Variants in PRR11 observed in about 807,000 individuals in gnomAD.
PRR11 encodes the protein proline rich 11, also known as proline-rich protein 11.
PRR11 carries 30 observed loss-of-function variants against 45.6 expected under a neutral mutation model. The observed-to-expected ratio is 0.66, with a 90% CI of 0.49 to 0.89. The LOEUF (loss-of-function observed/expected upper bound fraction) is 0.89, where lower values mean the gene tolerates loss of function less well. Among genes scored for constraint, PRR11 ranks in the 40% least tolerant of loss-of-function variants. The probability of loss-of-function intolerance (pLI) is 0.00; values close to 1 mark genes in which losing one functional copy is unlikely to be tolerated. For synonymous variants in PRR11, 128 were observed against 153.5 expected (o/e 0.83, Z 1.23); for missense variants, 373 against 424.8 (o/e 0.88, Z 1.07).
At chr17:59,198,819 G>A (rs1189044118) in intron 9 of PRR11, among the ~76,000 whole-genome samples, 2 of 151,956 alleles carry the variant, frequency 1.3e-5, no homozygotes, top group Non-Finnish European at 2.9e-5. Context: ...CCTGGGTGAC[G>A]GAGTGAGACC....
chr17:59,171,811 A>T (rs185943109), intron 2 of PRR11, among the ~76,000 whole-genome samples: 5 of 152,274 alleles, frequency 3.3e-5, no homozygotes, highest in Admixed American at 1.3e-4. Context: ...ACCAATAGCT[A>T]TAAATAGAAG....
chr17:59,200,404 G>A (rs141620704), intron 9 of PRR11, among the ~76,000 whole-genome samples: 45 of 152,174 alleles, frequency 3.0e-4, no homozygotes, highest in African/African-American at 1.1e-3. Context: ...AAACCATCCT[G>A]GGCGATATAG....
chr17:59,159,109 C>T (rs906027181), intron 1 of PRR11, among the ~76,000 whole-genome samples: 11 of 152,266 alleles, frequency 7.2e-5, no homozygotes, highest in South Asian at 2.1e-4. Context: ...TGTGAGCCAC[C>T]GCACCCAGCC....
At chr17:59,156,507 T>G (rs2046624572) in intron 1 of PRR11, among the ~76,000 whole-genome samples, 1 of 152,096 alleles carries the variant, frequency 6.6e-6, no homozygotes, top group South Asian at 2.1e-4. Flanking sequence ...TAATGGAAAT[T>G]AAGTAATTGA....
At chr17:59,197,296 G>A (rs1210007405) in intron 7 of PRR11, among the ~76,000 whole-genome samples, 1 of 149,380 alleles carries the variant, frequency 6.7e-6, no homozygotes, top group Non-Finnish European at 1.5e-5. Flanking sequence ...CTATTGCCCA[G>A]GCTGGAGTGC....
intron 1 of PRR11, among the ~76,000 whole-genome samples, chr17:59,165,437 T>C (rs2046674931): frequency 6.6e-6 from 1 of 151,928 alleles, no homozygotes; most frequent in South Asian, 2.1e-4. Flanking sequence ...CCTAGGCTCA[T>C]GTGATCCTCC....
At chr17:59,199,326 G>A (rs1005437711) in intron 9 of PRR11, among the ~76,000 whole-genome samples, 16 of 152,302 alleles carry the variant, frequency 1.1e-4, no homozygotes, top group African/African-American at 3.8e-4. Flanking sequence ...TGGGGTGAGG[G>A]ATCATGGCCT....
At chr17:59,181,052 C>T (rs34007034) in intron 2 of PRR11, among the ~76,000 whole-genome samples, 15,313 of 151,334 alleles carry the variant, frequency 0.1, 1,067 homozygotes, top group South Asian at 0.26. Flanking sequence ...TGTAGTGGCG[C>T]GATCTCAGCT....
At chr17:59,163,342 C>T (rs2046663202) in intron 1 of PRR11, among the ~76,000 whole-genome samples, 1 of 152,172 alleles carries the variant, frequency 6.6e-6, no homozygotes, top group South Asian at 2.1e-4. Context: ...CTCCCGGCCT[C>T]CCAAAGTGCT....
chr17:59,189,671 T>C (rs2046831927), intron 4 of PRR11, among the ~76,000 whole-genome samples: 1 of 152,060 alleles, frequency 6.6e-6, no homozygotes, highest in African/African-American at 2.4e-5. Flanking sequence ...ACTCCAAAAA[T>C]AAATAGCAAA....
chr17:59,199,693 G>A (rs550920426), intron 9 of PRR11, among the ~76,000 whole-genome samples: 4 of 152,324 alleles, frequency 2.6e-5, no homozygotes, highest in Admixed American at 2.6e-4. Flanking sequence ...TCTGGATGCA[G>A]GGACATAGCA....
intron 4 of PRR11, among the ~76,000 whole-genome samples, chr17:59,186,821 C>T (rs914177512): frequency 7.2e-5 from 11 of 152,092 alleles, no homozygotes; most frequent in African/African-American, 2.7e-4. Flanking sequence ...AGAACCACTA[C>T]AAATCAATAC....
chr17:59,204,869 A>C lies in PRR11; in HGVS notation c.*3238A>C, dbSNP rs2046910805. ...CATTGCAAGACCCCAACTCTACAAA[A>C]AACGAAAAATTAGCCGGGAGCGGTG... is the stretch of plus-strand genomic sequence containing the variant. On this transcript the variant is annotated 3_prime_UTR_variant, in exon 10 of 10. Coordinates refer to ENST00000262293, the MANE Select transcript of PRR11 (RefSeq NM_018304.4). Among the ~76,000 whole-genome samples the C allele has an allele frequency of 6.6e-6, 1 of 152,050 alleles. No individual in the cohort carries two copies. Among genetic ancestry groups the C allele is most frequent in the African/African-American group, 2.4e-5 (1 of 41,398 alleles).
intron 9 of PRR11, among the ~76,000 whole-genome samples, chr17:59,198,492 G>A (rs2046877239): frequency 6.6e-6 from 1 of 152,144 alleles, no homozygotes; most frequent in South Asian, 2.1e-4. Flanking sequence ...TGACCAACAT[G>A]GTGAAACCCC....
At chr17:59,197,489 G>A in intron 7 of PRR11, 55 bp from the exon 8 acceptor site, 3 of 1,477,460 alleles carry the variant, frequency 2.0e-6, no homozygotes, top group Non-Finnish European at 1.9e-6. Context: ...CTGACCTTGT[G>A]ATCCACCTGC....
At chr17:59,175,096 C>T (rs2046736641) in intron 2 of PRR11, 2 of 570,556 alleles carry the variant, frequency 3.5e-6, no homozygotes, top group Non-Finnish European at 6.3e-6. Flanking sequence ...TTGGAGGCCT[C>T]GTTGTCCTCC....
At chr17:59,182,200 G>A (rs1485676638) in intron 2 of PRR11, among the ~76,000 whole-genome samples, 1 of 151,422 alleles carries the variant, frequency 6.6e-6, no homozygotes, top group East Asian at 1.9e-4. Flanking sequence ...GCTCAATTTT[G>A]TACTTTTAGT....
At position 59,174,967 on chromosome 17, in the gene PRR11, A is replaced by G. The variant is rs151182230; in HGVS notation, c.128+5087A>G. On this transcript the variant is annotated intron_variant, in intron 2 of 9. Transcript: ENST00000262293. The stretch of plus-strand genomic sequence containing the variant: ...ACCCCCACCCCGCCTACCTCCTCCA[A>G]CTACTCCAGGGAAACCCAAGCCCTC... 1,052 of 856,328 alleles carry G rather than the reference A, an allele frequency of 1.2e-3. 5 individuals carry two copies. The African/African-American group carries it at 0.017, about 13-fold the overall frequency. 53.0% of individuals were successfully genotyped at this position (856,328 alleles called of 1,614,324 possible).
chr17:59,181,936 C>T (rs1248634770), intron 2 of PRR11: 44 of 1,103,082 alleles, frequency 4.0e-5, no homozygotes, highest in South Asian at 3.1e-4. Flanking sequence ...CCCATTCTTC[C>T]GTATCTCTGT....
Sources: allele counts gnomAD v4.1 joint callset (sites outside exome capture counted in the v4.1 genomes callset), GRCh38; gene constraint gnomAD v4.1.1; transcripts MANE v1.5; gene names NCBI Gene and HGNC (gene_info 2026-07-23, HGNC 2026-07-21).